Variants in MAN1C1 observed in about 807,000 individuals in gnomAD.
MAN1C1 encodes mannosidase alpha class 1C member 1, also known as mannosyl-oligosaccharide 1,2-alpha-mannosidase IC.
Under a neutral mutation model 71.5 loss-of-function variants are expected in MAN1C1, and 49 were observed. The ratio of observed to expected loss-of-function variants is 0.69; its 90% CI spans 0.54 to 0.87. MAN1C1 has a LOEUF of 0.87. Among genes scored for constraint, MAN1C1 ranks in the 40% least tolerant of loss-of-function variants. MAN1C1 has a pLI of 0.00. For missense variants in MAN1C1, 743 were observed against 835.0 expected, an observed-to-expected ratio of 0.89 and a Z score of 1.36; for synonymous variants, 352 against 343.7, an observed-to-expected ratio of 1.02 and a Z score of -0.27.
chr1:25,651,241 G>A (rs2045688154), intron 1 of MAN1C1, among the ~76,000 whole-genome samples: 3 of 152,352 alleles, frequency 2.0e-5, no homozygotes, highest in South Asian at 2.1e-4. Flanking sequence ...ACTGGCCCTG[G>A]TTGGAGACTC....
intron 2 of MAN1C1, among the ~76,000 whole-genome samples, chr1:25,716,952 C>T (rs1327212905): frequency 6.6e-6 from 1 of 152,180 alleles, no homozygotes; most frequent in East Asian, 1.9e-4. Flanking sequence ...GGTTCCTTCA[C>T]TCATCAGGTT....
chr1:25,654,641 A>G (rs542702494), intron 1 of MAN1C1, among the ~76,000 whole-genome samples: 46 of 151,050 alleles, frequency 3.0e-4, no homozygotes, highest in Non-Finnish European at 5.9e-4. Context: ...TAGGCTGTAA[A>G]TTTTCCTTTT....
At position 25,649,137 on chromosome 1, in the gene MAN1C1, T is replaced by G. The variant is rs565886193; in HGVS notation, c.540+30800T>G. On this transcript the variant is annotated intron_variant, in intron 1 of 11. Coordinates refer to ENST00000374332, the MANE Select transcript of MAN1C1 (RefSeq NM_020379.4). ...ACACCAGGTCTTCTTGATTTGAGTT[T>G]GCACCTAGAAGCTTAGAAGGTACCT... Among the ~76,000 whole-genome samples the G allele has an allele frequency of 4.6e-5, 7 of 152,338 alleles. No homozygotes were observed. The South Asian group carries it at 1.4e-3, about 32-fold the overall frequency.
At chr1:25,618,455 G>T in intron 1 of MAN1C1, 118 bp downstream of exon 1, 3 of 1,004,294 alleles carry the variant, frequency 3.0e-6, no homozygotes, top group Non-Finnish European at 2.9e-6. Context: ...GTCTACTTCT[G>T]GCCCTGCAGA....
intron 1 of MAN1C1, among the ~76,000 whole-genome samples, chr1:25,685,402 C>T (rs1386021532): frequency 6.6e-6 from 1 of 152,218 alleles, no homozygotes; most frequent in Non-Finnish European, 1.5e-5. Context: ...CTCCTCTGCT[C>T]CACGGGTCAC....
intron 2 of MAN1C1, among the ~76,000 whole-genome samples, chr1:25,741,396 A>G (rs12073269): frequency 0.075 from 11,454 of 152,244 alleles, 672 homozygotes; most frequent in East Asian, 0.18. Flanking sequence ...AGGAACCAGC[A>G]CAGGAGACTG....
chr1:25,771,894 A>G, intron 8 of MAN1C1, 122 bp downstream of exon 8: 1 of 706,096 alleles, frequency 1.4e-6, no homozygotes, highest in Non-Finnish European at 2.5e-6. Flanking sequence ...CACCCCCTGC[A>G]ATGAACCGGT....
At chr1:25,681,895 G>T (rs946415171) in intron 1 of MAN1C1, among the ~76,000 whole-genome samples, 1 of 151,870 alleles carries the variant, frequency 6.6e-6, no homozygotes, top group African/African-American at 2.4e-5. Context: ...ATGATGATCC[G>T]TAGGAGCCAA....
At chr1:25,687,543 G>A (rs2046249563) in intron 2 of MAN1C1, among the ~76,000 whole-genome samples, 1 of 152,230 alleles carries the variant, frequency 6.6e-6, no homozygotes, top group Non-Finnish European at 1.5e-5. Context: ...AAATAACTGA[G>A]TCTGAGATGG....
rs766288023 is a variant in MAN1C1, at chr1:25,617,996, G to A, written c.199G>A (p.Ala67Thr). Residue 67 changes from alanine (A) to threonine (T), a missense_variant, in exon 1 of 12, where the codon GCT becomes ACT. Transcript: ENST00000374332. This position sits in a 1 kb window ranked among gnomAD's most constrained non-coding sequence, Gnocchi z 5.1. ...CCAGCAGCCTGGTCTGGAAGTGGTG[G>A]CTGAAATCGCCGGCCATGCCCCGGC... ...RTQQPGLEVV[A>T]EIAGHAPARE... 6 of 1,605,088 alleles carry A rather than the reference G, an allele frequency of 3.7e-6. No individual in the cohort carries two copies. Among genetic ancestry groups the A allele is most frequent in the Middle Eastern group, 1.7e-4 (1 of 6,040 alleles).
Position 25,776,019 on chromosome 1 carries a change from T to A in MAN1C1, c.1258-2086T>A, listed in dbSNP as rs1168836385. ...CTCCCACCTCAGCCTCCCAAGTAGCTGGGACTACAGGTATGCACTACCGTG... is the reference window on the plus strand; with the variant it reads ...CTCCCACCTCAGCCTCCCAAGTAGCAGGGACTACAGGTATGCACTACCGTG... On this transcript the variant is annotated intron_variant, in intron 8 of 11. Coordinates refer to ENST00000374332, the MANE Select transcript of MAN1C1 (RefSeq NM_020379.4). The surrounding 1 kb of genome is among the most constrained non-coding windows in gnomAD (Gnocchi z 4.3). 1.3e-5 allele frequency: 2 copies of A among 152,212 alleles called. No individual in the cohort carries two copies. The highest frequency in any genetic ancestry group is 4.8e-5 in the African/African-American group (2 of 41,432). The allele number at this position is 152,212 out of a possible 1,614,324, so 9.4% of individuals were successfully genotyped here. A position where few individuals can be genotyped will look rare whatever the true frequency, so the allele number is the denominator to read the frequency against.
chr1:25,630,173 T>C (rs2982300), intron 1 of MAN1C1, among the ~76,000 whole-genome samples: 39,664 of 151,924 alleles, frequency 0.26, 5,285 homozygotes, highest in East Asian at 0.37. Context: ...AAAAAATAAA[T>C]ATTTTTATAT....
In MAN1C1 at chr1:25,769,009, T is replaced by C. The variant is rs1318029358; in HGVS notation, c.1142-2648T>C. Among the ~76,000 whole-genome samples the C allele has an allele frequency of 9.3e-6, 1 of 108,038 alleles. No individual in the cohort carries two copies. Among genetic ancestry groups the C allele is most frequent in the Non-Finnish European group, 1.8e-5 (1 of 54,456 alleles). The allele number at this position is 108,038 out of a possible 152,430, so 70.9% of individuals were successfully genotyped here. A position where few individuals can be genotyped will look rare whatever the true frequency, so the allele number is the denominator to read the frequency against. ...CCTCACATATACATACACTACACAC[T>C]CCCCTCAGGCACACACACTACACAC... On this transcript the variant is annotated intron_variant, in intron 7 of 11. Transcript: ENST00000374332. The surrounding 1 kb of genome is among the most constrained non-coding windows in gnomAD (Gnocchi z 4.8).
rs139246018 is a variant in MAN1C1, at chr1:25,742,372, C to A, written c.638-4296C>A. 2.8e-3 allele frequency among the ~76,000 whole-genome samples: 421 copies of A among 152,274 alleles called. 1 individual carries two copies. The highest frequency in any genetic ancestry group is 9.0e-3 in the African/African-American group (373 of 41,564). On this transcript the variant is annotated intron_variant, in intron 2 of 11. Transcript: ENST00000374332. The stretch of plus-strand genomic sequence containing the variant: ...ACCCTTTTGGAGGCAACTACACAAC[C>A]AGATCAGGTAGTGATGGCCTCGGCA...
intron 7 of MAN1C1, among the ~76,000 whole-genome samples, chr1:25,771,038 G>C (rs1362841096): frequency 6.6e-6 from 1 of 152,238 alleles, no homozygotes; most frequent in Non-Finnish European, 1.5e-5. Flanking sequence ...GCCACAGCCT[G>C]TGAGGCCCTG....
chr1:25,685,696 G>A (rs1409957846), intron 1 of MAN1C1, among the ~76,000 whole-genome samples: 31 of 152,210 alleles, frequency 2.0e-4, no homozygotes, highest in Admixed American at 2.0e-3. Context: ...CTGGGTGACA[G>A]TCCATAGGCA....
At chr1:25,759,565 C>T (rs758619236) in intron 6 of MAN1C1, 5 of 152,256 alleles carry the variant, frequency 3.3e-5, no homozygotes, top group Middle Eastern at 3.4e-3. Context: ...CTCTATGCCA[C>T]GGCTCCCAGC....
intron 1 of MAN1C1, among the ~76,000 whole-genome samples, chr1:25,676,604 C>T (rs1451007253): frequency 6.6e-6 from 1 of 152,170 alleles, no homozygotes; most frequent in Non-Finnish European, 1.5e-5. Flanking sequence ...CATTAGATCC[C>T]AGGATCGTTA....
rs116475494 is a variant in MAN1C1, at chr1:25,725,905, C to T, written c.638-20763C>T. Among the ~76,000 whole-genome samples, 431 of 152,298 alleles carry T rather than the reference C, an allele frequency of 2.8e-3. 3 individuals are homozygous for T. The highest frequency in any genetic ancestry group is 8.9e-3 in the African/African-American group (370 of 41,572). ...AGGTCCATCCTGGGCTGAGGCTCAGCGGTACGGCATGCTGAGCTGAGTGTG... is the reference window on the plus strand; with the variant it reads ...AGGTCCATCCTGGGCTGAGGCTCAGTGGTACGGCATGCTGAGCTGAGTGTG... On this transcript the variant is annotated intron_variant, in intron 2 of 11. Transcript: ENST00000374332. This position sits in a 1 kb window ranked among gnomAD's most constrained non-coding sequence, Gnocchi z 4.8.
Sources: allele counts gnomAD v4.1 joint callset (sites outside exome capture counted in the v4.1 genomes callset), GRCh38; gene constraint gnomAD v4.1.1; non-coding constraint Gnocchi (gnomAD v3.1); transcripts MANE v1.5; gene names NCBI Gene and HGNC (gene_info 2026-07-23, HGNC 2026-07-21).